Variants in SELENOS observed in about 807,000 individuals in gnomAD.
SELENOS encodes VCP interacting membrane selenoprotein.
Under a neutral mutation model 30.2 loss-of-function variants are expected in SELENOS, and 37 were observed. The observed-to-expected ratio is 1.23, with a 90% confidence interval of 0.94 to 1.61. The LOEUF is 1.61. Among genes scored for constraint, SELENOS ranks in the 40% most tolerant of loss-of-function variants. The probability of loss-of-function intolerance (pLI) is 0.00; values close to 1 mark genes in which losing one functional copy is unlikely to be tolerated. For missense variants in SELENOS, 289 were observed against 231.8 expected, an observed-to-expected ratio of 1.25 and a Z score of -1.60; for synonymous variants, 119 against 91.6, an observed-to-expected ratio of 1.30 and a Z score of -1.71.
chr15:101,277,053 G>A (rs770377963), intron 1 of SELENOS: 7 of 615,730 alleles, frequency 1.1e-5, no homozygotes, highest in African/African-American at 7.4e-5. Flanking sequence ...GGGTCCCAGA[G>A]GCAAACGCCA....
At position 101,275,248 on chromosome 15, in the gene SELENOS, T is replaced by C. The variant is rs2039311147; in HGVS notation, c.318+7A>G. ...ATGCACACATTCAAACTGAAACCAG[T>C]TCATACTTGTTTCAGTTTTTCCTTA... On this transcript the variant is annotated splice_region_variant and intron_variant, in intron 3 of 5. Coordinates refer to ENST00000526049, the MANE Select transcript of SELENOS (RefSeq NM_018445.6). 1 of 1,540,956 alleles carries C rather than the reference T, an allele frequency of 6.5e-7. No homozygotes were observed. The highest frequency in any genetic ancestry group is 8.7e-7 in the Non-Finnish European group (1 of 1,144,148).
chr15:101,274,536 A>G, intron 4 of SELENOS, 41 bp from the exon 5 acceptor site: 3 of 1,608,172 alleles, frequency 1.9e-6, no homozygotes, highest in Non-Finnish European at 2.5e-6. Flanking sequence ...CAATTAAAAC[A>G]TTCTACTTGG....
At position 101,272,609 on chromosome 15, in the gene SELENOS, T is replaced by A. The variant is rs111733455; in HGVS notation, c.*162A>T. 3.0e-6 allele frequency: 2 copies of A among 656,238 alleles called. No individual in the cohort carries two copies. Among genetic ancestry groups the A allele is most frequent in the African/African-American group, 3.6e-5 (2 of 55,174 alleles). 40.7% of individuals were successfully genotyped at this position (656,238 alleles called of 1,614,324 possible). On this transcript the variant is annotated 3_prime_UTR_variant, in exon 6 of 6. Coordinates refer to ENST00000526049, the MANE Select transcript of SELENOS (RefSeq NM_018445.6). ...ACCTCATGCCTAGAGGCAACATCTA[T>A]ACCTTTTGCTGACTGGAGCCCTGAC... is the stretch of plus-strand genomic sequence containing the variant.
rs763743180 is a variant in SELENOS at position 101,272,793 on chromosome 15, G to A, written c.548C>T (p.Pro183Leu). The A allele has an allele frequency of 1.3e-5, 21 of 1,609,762 alleles. No individual in the cohort carries two copies. The highest frequency in any genetic ancestry group is 6.7e-5 in the African/African-American group (5 of 74,846). Residue 183 changes from proline to leucine, a missense_variant, in exon 6 of 6, where the codon CCG (proline) becomes CTG (leucine). By Grantham distance (98) the Pro-to-Leu change is moderately conservative. Coordinates refer to ENST00000526049, the MANE Select transcript of SELENOS (RefSeq NM_018445.6). ...ACSWRPGRRGPSSGGUG is the reference protein window; with the variant it reads ...ACSWRPGRRGLSSGGUG ...TTCTTAGCCTCATCCGCCAGATGACGGGCCTCTGCGTCCAGGTCTCCAGGA... is the reference window on the plus strand; with the variant it reads ...TTCTTAGCCTCATCCGCCAGATGACAGGCCTCTGCGTCCAGGTCTCCAGGA...
In SELENOS at chr15:101,276,678, G is replaced by A. The variant is rs1179199573; in HGVS notation, c.77-3C>T. On this transcript the variant is annotated splice_polypyrimidine_tract_variant and splice_region_variant and intron_variant, in intron 1 of 5. Coordinates refer to ENST00000526049, the MANE Select transcript of SELENOS (RefSeq NM_018445.6). ...ATAGGTGGCCAGCAGGGAGCCCACT[G>A]AAAAGAAAAACAGTTTTCAAAAAAC... is the stretch of plus-strand genomic sequence containing the variant. 30 of 1,598,250 alleles carry A rather than the reference G, an allele frequency of 1.9e-5. No individual in the cohort carries two copies. Among genetic ancestry groups the A allele is most frequent in the Non-Finnish European group, 2.4e-5 (28 of 1,175,884 alleles).
rs1325058968 is a variant in SELENOS, at chr15:101,276,175, G to A, written c.211+366C>T. On this transcript the variant is annotated intron_variant, in intron 2 of 5. Transcript: ENST00000526049. ...TGACCTCAAGTCATCCTCCTGCCTC[G>A]GCTTCCCAAAGTGCTGGGATTACAG... is the stretch of plus-strand genomic sequence containing the variant. 2.0e-5 allele frequency among the ~76,000 whole-genome samples: 3 copies of A among 150,830 alleles called. No homozygotes were observed. The South Asian group carries it at 6.3e-4, about 32-fold the overall frequency.
At chr15:101,277,265 G>C (rs1228383641) in intron 1 of SELENOS, 77 bp downstream of exon 1, 1 of 1,522,264 alleles carries the variant, frequency 6.6e-7, no homozygotes, top group Non-Finnish European at 8.8e-7. Context: ...GCCCGGTGCA[G>C]CGGCGGACGA....
chr15:101,272,533 C>G lies in SELENOS; in HGVS notation c.*238G>C. ...CCTTTACCTACCAACTAGCAATTAACCATGAAATCAATGAATGCAATCACT... is the reference window on the plus strand; with the variant it reads ...CCTTTACCTACCAACTAGCAATTAAGCATGAAATCAATGAATGCAATCACT... On this transcript the variant is annotated 3_prime_UTR_variant, in exon 6 of 6. Transcript: ENST00000526049. The G allele has an allele frequency of 2.2e-6, 1 of 460,998 alleles. No homozygotes were observed. Among genetic ancestry groups the G allele is most frequent in the East Asian group, 3.5e-5 (1 of 28,184 alleles). The allele number at this position is 460,998 out of a possible 1,614,324, so 28.6% of individuals were successfully genotyped here.
chr15:101,274,305 C>T (rs770328997), intron 5 of SELENOS, 115 bp downstream of exon 5: 2 of 1,214,854 alleles, frequency 1.6e-6, no homozygotes, highest in African/African-American at 1.5e-5. Context: ...TCTTCACAAT[C>T]CTAAGGAATT....
intron 3 of SELENOS, chr15:101,274,883 A>C (rs1214243236): frequency 2.0e-5 from 12 of 612,252 alleles, no homozygotes; most frequent in East Asian, 2.9e-5. Flanking sequence ...ACTATTAAAG[A>C]AAGCAAAATG....
Position 101,272,658 on chromosome 15 carries a change from G to C in SELENOS, c.*113C>G. ...ACATATGCAGGTGTAGTTAGGAACA[G>C]AAATCAACCCCACCTCCCCTTGGCT... On this transcript the variant is annotated 3_prime_UTR_variant, in exon 6 of 6. Transcript: ENST00000526049. 1 of 1,149,290 alleles carries C rather than the reference G, an allele frequency of 8.7e-7. No individual in the cohort carries two copies. Among genetic ancestry groups the C allele is most frequent in the East Asian group, 2.6e-5 (1 of 38,700 alleles). The allele number at this position is 1,149,290 out of a possible 1,614,324, so 71.2% of individuals were successfully genotyped here.
intron 5 of SELENOS, 111 bp from the exon 6 acceptor site, chr15:101,272,967 A>G: frequency 1.0e-6 from 1 of 956,000 alleles, no homozygotes; most frequent in Non-Finnish European, 1.6e-6. Context: ...CTGCAAAGAT[A>G]CAGATCCTAA....
At position 101,276,624 on chromosome 15, in the gene SELENOS, A is replaced by T. The variant is rs769105481; in HGVS notation, c.128T>A (p.Leu43His). Reference protein sequence around the residue: ...YGWYIVFSCILLYVVFQKLSA... With the variant: ...YGWYIVFSCIHLYVVFQKLSA... Reference sequence around the variant, plus strand: ...AAGCTTCTGAAAGACCACGTAGAGAAGGATGCAGCTGAAGACGATGTACCA... The same window carrying T: ...AAGCTTCTGAAAGACCACGTAGAGATGGATGCAGCTGAAGACGATGTACCA... The change falls in exon 2 of 6, where the codon CTT becomes CAT. Residue 43 changes from leucine to histidine, a missense_variant. Coordinates refer to ENST00000526049, the MANE Select transcript of SELENOS (RefSeq NM_018445.6). The T allele has an allele frequency of 6.2e-7, 1 of 1,613,862 alleles. No individual in the cohort carries two copies. The highest frequency in any genetic ancestry group is 8.5e-7 in the Non-Finnish European group (1 of 1,179,850).
At chr15:101,271,801 G>T (rs192100593), downstream of SELENOS, among the ~76,000 whole-genome samples, 1 of 152,168 alleles carries the variant, frequency 6.6e-6, no homozygotes, top group Non-Finnish European at 1.5e-5. Flanking sequence ...TCCAGCCCAT[G>T]AGCAGAGAAT....
chr15:101,275,350 C>T lies in SELENOS; in HGVS notation c.223G>A (p.Val75Ile), dbSNP rs1371721068. ...GCTAAAGCTTCTTGTCGTTTAACAA[C>T]AACATCAGGTTCTAAAATGTCAGAA... Reference protein sequence around the residue: ...RAAAAVEPDVVVKRQEALAAA... With the variant: ...RAAAAVEPDVIVKRQEALAAA... Residue 75 changes from valine (V) to isoleucine (I), a missense_variant, in exon 3 of 6, where the codon GTT (valine) becomes ATT (isoleucine). Physicochemically the swap from Val to Ile is conservative, Grantham distance 29. Coordinates refer to ENST00000526049, the MANE Select transcript of SELENOS (RefSeq NM_018445.6). 5 of 1,572,350 alleles carry T rather than the reference C, an allele frequency of 3.2e-6. No homozygotes were observed. In the Admixed American group the frequency reaches 9.6e-5, roughly 30 times the overall value.
rs772992493 is a variant in SELENOS, at chr15:101,274,696, C to T, written c.319-15G>A. The T allele has an allele frequency of 4.5e-5, 72 of 1,603,376 alleles. No homozygotes were observed. The highest frequency in any genetic ancestry group is 8.5e-6 in the Non-Finnish European group (10 of 1,176,674). ...TCTTCTTCAAGCTGAGAAACAATCACATTTTACAGAAAGAATTCAGAAGCT... is the reference window on the plus strand; with the variant it reads ...TCTTCTTCAAGCTGAGAAACAATCATATTTTACAGAAAGAATTCAGAAGCT... On this transcript the variant is annotated splice_polypyrimidine_tract_variant and intron_variant, in intron 3 of 5. Coordinates refer to ENST00000526049, the MANE Select transcript of SELENOS (RefSeq NM_018445.6).
chr15:101,274,304 T>A, intron 5 of SELENOS, 116 bp downstream of exon 5: 1 of 1,206,588 alleles, frequency 8.3e-7, no homozygotes, highest in Non-Finnish European at 1.2e-6. Flanking sequence ...ATCTTCACAA[T>A]CCTAAGGAAT....
At chr15:101,275,946 C>G (rs888997440) in intron 2 of SELENOS, among the ~76,000 whole-genome samples, 5 of 149,746 alleles carry the variant, frequency 3.3e-5, no homozygotes, top group African/African-American at 1.2e-4. Flanking sequence ...AAAGAAAAGA[C>G]AGTCTCACTC....
intron 2 of SELENOS, 102 bp downstream of exon 2, chr15:101,276,439 A>T: frequency 7.5e-7 from 1 of 1,342,000 alleles, no homozygotes; most frequent in Non-Finnish European, 9.7e-7. Context: ...AAATAGAGAC[A>T]GGGTCTTCCT....
Sources: allele counts gnomAD v4.1 joint callset (sites outside exome capture counted in the v4.1 genomes callset), GRCh38; gene constraint gnomAD v4.1.1; transcripts MANE v1.5; gene names NCBI Gene and HGNC (gene_info 2026-07-23, HGNC 2026-07-21).